The following C9orf57 variants were observed in gnomAD, a reference collection of about 807,000 sequenced individuals.
The protein encoded by C9orf57 is uncharacterized protein C9orf57.
C9orf57 carries 12 observed loss-of-function variants against 12.9 expected under a neutral mutation model. That is an observed-to-expected ratio of 0.93 (90% CI 0.60 to 1.51). The LOEUF is 1.51. Among genes scored for constraint, C9orf57 ranks in the 40% most tolerant of loss-of-function variants. The pLI is 0.00. For missense variants in C9orf57, 141 were observed against 162.8 expected (o/e 0.87, Z 0.73); for synonymous variants, 49 against 57.1 (o/e 0.86, Z 0.64).
chr9:72,055,354 T>TTCCC (rs777836370), intron 4 of C9orf57, among the ~76,000 whole-genome samples: 658 of 26,624 alleles, frequency 0.025, 138 homozygotes, highest in Middle Eastern at 0.036. Context: ...CCTTCATTCT[T>TTCCC]TCCCTCCCTC....
intron 2 of C9orf57, among the ~76,000 whole-genome samples, chr9:72,057,834 C>T (rs79383798): frequency 0.025 from 3,799 of 152,260 alleles, 61 homozygotes; most frequent in Middle Eastern, 0.099. Context: ...TATTGGTTAT[C>T]TTCCATACTC....
At chr9:72,055,713 A>C (rs1346561354) in intron 4 of C9orf57, among the ~76,000 whole-genome samples, 1 of 152,164 alleles carries the variant, frequency 6.6e-6, no homozygotes, top group Non-Finnish European at 1.5e-5. Context: ...ACAGGGCCCA[A>C]GTTTAGAAGG....
At chr9:72,056,913 T>A in intron 2 of C9orf57, 70 bp from the exon 3 acceptor site, 2 of 366,682 alleles carry the variant, frequency 5.5e-6, no homozygotes, top group Non-Finnish European at 7.3e-6. Flanking sequence ...ATATGTATAC[T>A]TTTTTTTTTT....
rs891501578 is a variant in C9orf57, at chr9:72,054,076, G to A, written c.281-1641C>T. 3.3e-5 allele frequency among the ~76,000 whole-genome samples: 5 copies of A among 152,298 alleles called. No individual in the cohort carries two copies. The South Asian group carries it at 6.2e-4, about 19-fold the overall frequency. On this transcript the variant is annotated intron_variant, in intron 4 of 4. Transcript: ENST00000651200. Reference sequence around the variant, plus strand: ...TGCAATGGCATGATCTTGGCTCACCGCAACCTCCACCTCCCGGGTTCAAGC... The same window carrying A: ...TGCAATGGCATGATCTTGGCTCACCACAACCTCCACCTCCCGGGTTCAAGC...
At position 72,051,685 on chromosome 9, in the gene C9orf57, G is replaced by C. The variant is rs2132429493; in HGVS notation, c.*611C>G. On this transcript the variant is annotated 3_prime_UTR_variant, in exon 5 of 5. Coordinates refer to ENST00000651200, the MANE Select transcript of C9orf57 (RefSeq NM_001128618.2). ...TTAAGGTACGGAAAATTCAAAATTT[G>C]GATAAACTCTGAGGCAGATGGAAGA... 1 of 152,276 alleles carries C rather than the reference G, an allele frequency of 6.6e-6. No individual in the cohort carries two copies. The highest frequency in any genetic ancestry group is 2.1e-4 in the South Asian group (1 of 4,826). 9.4% of individuals were successfully genotyped at this position (152,276 alleles called of 1,614,324 possible).
At chr9:72,056,898 C>CAT in intron 2 of C9orf57, 55 bp from the exon 3 acceptor site, 1 of 1,337,744 alleles carries the variant, frequency 7.5e-7, no homozygotes, top group East Asian at 2.5e-5. Context: ...CAAATGTATA[C>CAT]ATATATATGT....
chr9:72,056,310 ATT>A, intron 3 of C9orf57, 114 bp from the exon 4 acceptor site: 1 of 429,072 alleles, frequency 2.3e-6, no homozygotes, highest in African/African-American at 2.1e-5. Flanking sequence ...ATATATATAT[ATT>A]TATGTTATAT....
chr9:72,054,464 A>G (rs1313127629), intron 4 of C9orf57, among the ~76,000 whole-genome samples: 1 of 152,222 alleles, frequency 6.6e-6, no homozygotes, highest in Non-Finnish European at 1.5e-5. Context: ...CAAATTGTCT[A>G]AAAAGATGCT....
chr9:72,057,904 T>C (rs986492580), intron 2 of C9orf57, among the ~76,000 whole-genome samples: 1 of 152,198 alleles, frequency 6.6e-6, no homozygotes, highest in Non-Finnish European at 1.5e-5. Context: ...CCAGAGATTC[T>C]TGAACTGGTC....
chr9:72,052,397 TCTTTGTGCAGC>T lies in C9orf57; in HGVS notation c.308_318del (p.Gly103GlufsTer19). On this transcript the variant is annotated frameshift_variant, in exon 5 of 5. Coordinates refer to ENST00000651200, the MANE Select transcript of C9orf57 (RefSeq NM_001128618.2). LOFTEE classifies it low-confidence loss of function (END_TRUNC). ...GTACTCTTGAAGCACTCTGATGTGT[TCTTTGTGCAGC>T]CTTTGACTGAATACCATTGAATGCC... The T allele has an allele frequency of 6.4e-7, 1 of 1,552,290 alleles. No individual in the cohort carries two copies. The highest frequency in any genetic ancestry group is 1.2e-5 in the South Asian group (1 of 84,062).
intron 4 of C9orf57, among the ~76,000 whole-genome samples, chr9:72,055,109 T>TATA (rs142589710): frequency 4.0e-5 from 6 of 149,066 alleles, no homozygotes; most frequent in East Asian, 2.0e-4. Flanking sequence ...TATATATATA[T>TATA]TTTTTTTTGT....
intron 4 of C9orf57, among the ~76,000 whole-genome samples, chr9:72,053,453 C>T (rs1824122054): frequency 6.6e-6 from 1 of 152,206 alleles, no homozygotes; most frequent in Admixed American, 6.5e-5. Flanking sequence ...GTTGAATAAG[C>T]TTCCAGGCTC....
intron 4 of C9orf57, among the ~76,000 whole-genome samples, chr9:72,053,667 G>C (rs1283046774): frequency 6.6e-6 from 1 of 152,134 alleles, no homozygotes; most frequent in Non-Finnish European, 1.5e-5. Context: ...AGATTGAACA[G>C]AACCCAAGTA....
chr9:72,052,074 G>T lies in C9orf57; in HGVS notation c.*222C>A. The T allele has an allele frequency of 2.1e-6, 1 of 483,886 alleles. No homozygotes were observed. Among genetic ancestry groups the T allele is most frequent in the South Asian group, 3.3e-5 (1 of 30,760 alleles). 30.0% of individuals were successfully genotyped at this position (483,886 alleles called of 1,614,324 possible). A position where few individuals can be genotyped will look rare whatever the true frequency, so the allele number is the denominator to read the frequency against. ...AATTAAGCAGAAGGAGGAGAGGAGAGAAATGGTGTTGAAAGGGCTATTTCT... is the reference window on the plus strand; with the variant it reads ...AATTAAGCAGAAGGAGGAGAGGAGATAAATGGTGTTGAAAGGGCTATTTCT... On this transcript the variant is annotated 3_prime_UTR_variant, in exon 5 of 5. Transcript: ENST00000651200.
Position 72,052,299 on chromosome 9 carries a change from G to A in C9orf57, c.417C>T (p.Phe139=). 1.3e-6 allele frequency: 2 copies of A among 1,551,620 alleles called. No homozygotes were observed. Among genetic ancestry groups the A allele is most frequent in the East Asian group, 2.4e-5 (1 of 40,916 alleles). The change falls in exon 5 of 5, where the codon TTC becomes TTT. Residue 139 remains phenylalanine, a synonymous_variant. Transcript: ENST00000651200. ...THCCNHSLCN[F] is the part of the protein sequence containing the mutation. ...ATTTTAGATATGGGCCACTGACTCA[G>A]AAATTGCACAAAGAATGATTGCAGC...
chr9:72,058,621 C>T (rs1286268500), intron 2 of C9orf57, among the ~76,000 whole-genome samples: 2 of 152,190 alleles, frequency 1.3e-5, no homozygotes, highest in Non-Finnish European at 2.9e-5. Flanking sequence ...ATGACCACTG[C>T]CATGTCACTC....
intron 4 of C9orf57, among the ~76,000 whole-genome samples, chr9:72,054,988 C>T (rs1476543182): frequency 2.1e-5 from 3 of 139,740 alleles, no homozygotes; most frequent in East Asian, 2.1e-4. Flanking sequence ...GGTTCAATCT[C>T]GGCTCCCTGC....
intron 3 of C9orf57, 98 bp from the exon 4 acceptor site, chr9:72,056,294 G>C: frequency 1.5e-6 from 1 of 673,982 alleles, no homozygotes; most frequent in East Asian, 3.5e-5. Context: ...AGTGATTTTT[G>C]ACTTTATATA....
chr9:72,060,379 C>A (rs568907146), intron 1 of C9orf57, 118 bp downstream of exon 1: 21 of 655,178 alleles, frequency 3.2e-5, no homozygotes, highest in African/African-American at 2.9e-4. Flanking sequence ...CTGCAAAAGA[C>A]CTTATTTATG....
Sources: allele counts gnomAD v4.1 joint callset (sites outside exome capture counted in the v4.1 genomes callset), GRCh38; gene constraint gnomAD v4.1.1; transcripts MANE v1.5; gene names NCBI Gene and HGNC (gene_info 2026-07-23, HGNC 2026-07-21).